The following SMYD3 variants were observed in gnomAD, a reference collection of about 807,000 sequenced individuals.
SMYD3 encodes the protein histone-lysine N-methyltransferase SMYD3.
Under a neutral mutation model 57.7 loss-of-function variants are expected in SMYD3, and 36 were observed. That is an observed-to-expected ratio of 0.62 (90% confidence interval 0.48 to 0.82). SMYD3 has a LOEUF of 0.82. SMYD3 is among the 40% of genes least tolerant of loss of function. The probability of loss-of-function intolerance (pLI) is 0.00; values close to 1 mark genes in which losing one functional copy is unlikely to be tolerated. For missense variants in SMYD3, 515 were observed against 538.8 expected (o/e 0.96, Z 0.44); for synonymous variants, 211 against 195.0 (o/e 1.08, Z -0.68).
chr1:246,466,435 CAA>C (rs1388420878), intron 1 of SMYD3, among the ~76,000 whole-genome samples: 1 of 152,094 alleles, frequency 6.6e-6, no homozygotes, highest in Non-Finnish European at 1.5e-5. Flanking sequence ...AAAAGAAAAC[CAA>C]ATACTGCAGG....
chr1:245,871,676 A>G (rs1274297018), intron 8 of SMYD3, among the ~76,000 whole-genome samples: 1 of 152,204 alleles, frequency 6.6e-6, no homozygotes, highest in Non-Finnish European at 1.5e-5. Context: ...CCTGCTGCCG[A>G]GCTGTGTAGT....
At chr1:246,162,448 G>A (rs1255311154) in intron 5 of SMYD3, among the ~76,000 whole-genome samples, 2 of 152,070 alleles carry the variant, frequency 1.3e-5, no homozygotes, top group Non-Finnish European at 2.9e-5. Context: ...GCCACGTAAG[G>A]CATATTAATT....
At chr1:246,143,802 G>A (rs1161404277) in intron 5 of SMYD3, among the ~76,000 whole-genome samples, 3 of 152,194 alleles carry the variant, frequency 2.0e-5, no homozygotes, top group Admixed American at 1.3e-4. Context: ...CCTCCCATCT[G>A]TTAGGTCAAC....
chr1:246,071,018 C>T (rs375621615), intron 5 of SMYD3, among the ~76,000 whole-genome samples: 10 of 152,018 alleles, frequency 6.6e-5, no homozygotes, highest in South Asian at 6.2e-4. Flanking sequence ...TTTACTGGTT[C>T]GATCAGAAAT....
In SMYD3 at chr1:246,412,893, A is replaced by T. The variant is rs2067000580; in HGVS notation, c.165-57799T>A. ...AAAAAAAAGAAGTGGGAAGAAAGGG[A>T]GAAGAGATTAATATAGTAGCAGTTT... On this transcript the variant is annotated intron_variant, in intron 1 of 11. Coordinates refer to ENST00000490107, the MANE Select transcript of SMYD3 (RefSeq NM_001167740.2). Among the ~76,000 whole-genome samples the T allele has an allele frequency of 2.0e-5, 3 of 150,462 alleles. No homozygotes were observed. In the South Asian group the frequency reaches 6.3e-4, roughly 32 times the overall value.
At chr1:246,489,799 A>G (rs956695864) in intron 1 of SMYD3, among the ~76,000 whole-genome samples, 4 of 152,126 alleles carry the variant, frequency 2.6e-5, no homozygotes, top group African/African-American at 9.7e-5. Context: ...CACTGTATGA[A>G]GTTATTTATG....
chr1:245,871,944 G>A (rs1179212783), intron 8 of SMYD3, among the ~76,000 whole-genome samples: 1 of 152,180 alleles, frequency 6.6e-6, no homozygotes, highest in Non-Finnish European at 1.5e-5. Flanking sequence ...AACCAACTAT[G>A]CTGTGACCCC....
chr1:245,973,327 T>C (rs889969397), intron 5 of SMYD3, among the ~76,000 whole-genome samples: 26 of 152,200 alleles, frequency 1.7e-4, no homozygotes, highest in African/African-American at 6.3e-4. Flanking sequence ...GAAGGAAATT[T>C]AGGAAGGCAT....
intron 1 of SMYD3, among the ~76,000 whole-genome samples, chr1:246,418,160 G>C (rs1449748374): frequency 1.3e-5 from 2 of 152,178 alleles, no homozygotes; most frequent in Admixed American, 6.5e-5. Context: ...AGAGCCAGAG[G>C]GGGAGGAAAA....
At chr1:246,319,760 T>A (rs755431614) in intron 5 of SMYD3, among the ~76,000 whole-genome samples, 2 of 152,154 alleles carry the variant, frequency 1.3e-5, no homozygotes, top group Non-Finnish European at 2.9e-5. Context: ...GTATCCAGAA[T>A]GAGATGGTTA....
At chr1:245,919,449 C>A (rs1016614177) in intron 7 of SMYD3, among the ~76,000 whole-genome samples, 5 of 152,322 alleles carry the variant, frequency 3.3e-5, no homozygotes, top group Middle Eastern at 3.4e-3. Context: ...CTCTCATCCT[C>A]CAAGCTTGGC....
chr1:245,970,882 A>T (rs745792808), intron 5 of SMYD3, among the ~76,000 whole-genome samples: 12 of 152,236 alleles, frequency 7.9e-5, no homozygotes, highest in Non-Finnish European at 1.8e-4. Flanking sequence ...TGTGGAAGAC[A>T]GTGTGGTGAT....
chr1:245,964,306 G>T (rs1386904189), intron 5 of SMYD3, among the ~76,000 whole-genome samples: 1 of 152,142 alleles, frequency 6.6e-6, no homozygotes, highest in Non-Finnish European at 1.5e-5. Context: ...AACACTGGGG[G>T]TCATATTTCA....
intron 1 of SMYD3, among the ~76,000 whole-genome samples, chr1:246,366,142 C>T (rs760983895): frequency 4.6e-5 from 7 of 152,162 alleles, no homozygotes; most frequent in Non-Finnish European, 7.3e-5. Context: ...TTCATTTCCT[C>T]CTCCCTCCCA....
chr1:246,368,999 C>G (rs2066150814), intron 1 of SMYD3, among the ~76,000 whole-genome samples: 1 of 152,144 alleles, frequency 6.6e-6, no homozygotes, highest in Admixed American at 6.5e-5. Flanking sequence ...TTCTGTCCTT[C>G]TAGAGAAATC....
At chr1:246,147,489 G>T (rs577516925) in intron 5 of SMYD3, among the ~76,000 whole-genome samples, 1 of 152,210 alleles carries the variant, frequency 6.6e-6, no homozygotes, top group Non-Finnish European at 1.5e-5. Flanking sequence ...GCAACAGGGA[G>T]GCCGGCTAGG....
intron 5 of SMYD3, chr1:245,930,444 C>A: frequency 3.1e-6 from 1 of 317,942 alleles, no homozygotes; most frequent in Non-Finnish European, 6.0e-6. Context: ...TTGGTGAAGA[C>A]CACAGGGAGC....
intron 5 of SMYD3, among the ~76,000 whole-genome samples, chr1:246,257,147 T>C (rs1163484280): frequency 2.0e-5 from 3 of 152,182 alleles, no homozygotes; most frequent in Non-Finnish European, 4.4e-5. Flanking sequence ...GGTTGATGAG[T>C]GAAGTGTTCT....
Position 246,161,539 on chromosome 1 carries a change from G to A in SMYD3, c.531+165662C>T, listed in dbSNP as rs530297575. On this transcript the variant is annotated intron_variant, in intron 5 of 11. Coordinates refer to ENST00000490107, the MANE Select transcript of SMYD3 (RefSeq NM_001167740.2). ...GTCTCCTTCATGTTCCCCAGCCCCC[G>A]TCTATGCCTCCACCTTGGTATATCA... Among the ~76,000 whole-genome samples the A allele has an allele frequency of 2.0e-5, 3 of 152,148 alleles. No homozygotes were observed. The East Asian group carries it at 5.8e-4, about 29-fold the overall frequency.
Sources: gnomAD v4.1 joint callset for allele counts (sites outside exome capture counted in the v4.1 genomes callset) on GRCh38, gnomAD v4.1.1 for gene constraint, MANE v1.5 for transcripts, NCBI Gene and HGNC (gene_info 2026-07-23, HGNC 2026-07-21) for gene names.